The following KRT6B variants were observed in gnomAD, a reference collection of about 807,000 sequenced individuals.
KRT6B encodes the protein keratin 6B.
A neutral mutation model predicts 44.7 loss-of-function variants in KRT6B; 29 were observed. That is an observed-to-expected ratio of 0.65 (90% CI 0.48 to 0.88). The LOEUF (loss-of-function observed/expected upper bound fraction) is 0.88, where lower values mean the gene tolerates loss of function less well. Ranked by LOEUF, KRT6B falls within the 40% of genes least tolerant of loss-of-function variation. The pLI is 0.00. For synonymous variants in KRT6B, 213 were observed against 296.0 expected, an observed-to-expected ratio of 0.72 and a Z score of 2.88; for missense variants, 600 against 724.0, an observed-to-expected ratio of 0.83 and a Z score of 1.97.
At chr12:52,447,659 T>C in intron 7 of KRT6B, 86 bp from the exon 8 acceptor site, 11 of 1,613,748 alleles carry the variant, frequency 6.8e-6, no homozygotes, top group Non-Finnish European at 9.3e-6. Context: ...TGGGAAAACT[T>C]TTAGTTTTCT....
At chr12:52,450,794 G>A (rs879420746) in intron 1 of KRT6B, among the ~76,000 whole-genome samples, 174 bp from the exon 2 acceptor site, 29 of 152,222 alleles carry the variant, frequency 1.9e-4, no homozygotes, top group Non-Finnish European at 3.7e-4. Context: ...CACCCCACCA[G>A]TCTCACTAGA....
chr12:52,447,224 G>A lies in KRT6B; in HGVS notation c.1661C>T (p.Thr554Ile). The A allele has an allele frequency of 1.9e-6, 3 of 1,614,064 alleles. No individual in the cohort carries two copies. The highest frequency in any genetic ancestry group is 2.5e-6 in the Non-Finnish European group (3 of 1,179,950). The change falls in exon 9 of 9, where the codon ACC becomes ATC. Residue 554 changes from threonine (T) to isoleucine (I), a missense_variant. Thr to Ile is a moderately conservative substitution (Grantham distance 89). Around this residue, in one of 4 missense-constraint regions of KRT6B, gnomAD observed 479 missense variants for 454.2 expected, o/e 1.05. Transcript: ENST00000252252. Reference sequence around the variant, plus strand: ...GTAGCTCTTCCTGCTGGAGGAGGAGGTGGTGGTGTACTTGATGGTGGAACT... The same window carrying A: ...GTAGCTCTTCCTGCTGGAGGAGGAGATGGTGGTGTACTTGATGGTGGAACT... The part of the protein sequence containing the change: ...GGSSTIKYTT[T>I]SSSSRKSYKH
rs404970 is a variant in KRT6B, at chr12:52,451,973, T to C, written c.106A>G (p.Ile36Val). 53 of 1,613,500 alleles carry C rather than the reference T, an allele frequency of 3.3e-5. No homozygotes were observed. The highest frequency in any genetic ancestry group is 4.5e-5 in the East Asian group (2 of 44,896). The change falls in exon 1 of 9, where the codon ATC becomes GTC. Residue 36 changes from isoleucine to valine, a missense_variant. Physicochemically the swap from Ile to Val is conservative, Grantham distance 29. Around this residue, in one of 4 missense-constraint regions of KRT6B, gnomAD observed 78 missense variants for 97.5 expected, o/e 0.80. Coordinates refer to ENST00000252252, the MANE Select transcript of KRT6B (RefSeq NM_005555.4). Reference sequence around the variant, plus strand: ...CTGCCCCTGGAGCGGGACACGGAGATGCTGCTGAAGCCAGAGCGGCTGACC... The same window carrying C: ...CTGCCCCTGGAGCGGGACACGGAGACGCTGCTGAAGCCAGAGCGGCTGACC... ...PGVSRSGFSS[I>V]SVSRSRGSGG...
intron 1 of KRT6B, 94 bp downstream of exon 1, chr12:52,451,445 C>T: frequency 1.9e-6 from 3 of 1,611,386 alleles, no homozygotes; most frequent in Admixed American, 1.7e-5. Flanking sequence ...GAGTCCCCTT[C>T]TCCCTCCCTC....
rs892725244 is a variant in KRT6B at position 52,446,852 on chromosome 12, A to G, written c.*338T>C. ...GGCAGGATGGTTAGCAATTAAAGAGAGGACTCCTCATCTGCAGCTGGACCT... is the reference window on the plus strand; with the variant it reads ...GGCAGGATGGTTAGCAATTAAAGAGGGGACTCCTCATCTGCAGCTGGACCT... On this transcript the variant is annotated 3_prime_UTR_variant, in exon 9 of 9. Transcript: ENST00000252252. The G allele has an allele frequency of 7.9e-6, 3 of 379,374 alleles. No individual in the cohort carries two copies. The highest frequency in any genetic ancestry group is 6.1e-5 in the African/African-American group (3 of 49,104). The allele number at this position is 379,374 out of a possible 1,614,324, so 23.5% of individuals were successfully genotyped here.
Position 52,451,960 on chromosome 12 carries a change from C to T in KRT6B, c.119G>A (p.Arg40His), listed in dbSNP as rs139304263. Reference protein sequence around the residue: ...RSGFSSISVSRSRGSGGLGGA... With the variant: ...RSGFSSISVSHSRGSGGLGGA... ...ACCCAGGCCACCACTGCCCCTGGAG[C>T]GGGACACGGAGATGCTGCTGAAGCC... is the stretch of plus-strand genomic sequence containing the variant. Residue 40 changes from arginine (R) to histidine (H), a missense_variant, in exon 1 of 9, where the codon CGC becomes CAC. Arg to His is a conservative substitution (Grantham distance 29). Around this residue, in one of 4 missense-constraint regions of KRT6B, gnomAD observed 78 missense variants for 97.5 expected, o/e 0.80. Coordinates refer to ENST00000252252, the MANE Select transcript of KRT6B (RefSeq NM_005555.4). 686 of 1,613,424 alleles carry T rather than the reference C, an allele frequency of 4.3e-4. No homozygotes were observed. The African/African-American group carries it at 7.4e-3, about 17-fold the overall frequency.
rs763339267 is a variant in KRT6B at position 52,447,810 on chromosome 12, G to A, written c.1392C>T (p.Thr464=). Residue 464 remains threonine, a synonymous_variant, in exon 7 of 9, where the codon ACC becomes ACT. Coordinates refer to ENST00000252252, the MANE Select transcript of KRT6B (RefSeq NM_005555.4). ...CCTCGCCCTCCAGCAGCTTGCGGTAGGTGGCGATCTCCACATCCAGGGCCA... is the reference window on the plus strand; with the variant it reads ...CCTCGCCCTCCAGCAGCTTGCGGTAAGTGGCGATCTCCACATCCAGGGCCA... The part of the protein sequence containing the change: ...VKLALDVEIA[T]YRKLLEGEEC... 1.9e-6 allele frequency: 3 copies of A among 1,614,054 alleles called. No homozygotes were observed. Among genetic ancestry groups the A allele is most frequent in the African/African-American group, 1.3e-5 (1 of 74,930 alleles).
At chr12:52,449,086 T>C (rs1032110059) in intron 5 of KRT6B, 119 bp from the exon 6 acceptor site, 23 of 1,523,664 alleles carry the variant, frequency 1.5e-5, no homozygotes, top group East Asian at 2.3e-5. Flanking sequence ...CCCAAGAAAC[T>C]TGAGGAAAAG....
chr12:52,449,439 T>C (rs1299201102), intron 5 of KRT6B, 30 bp downstream of exon 5: 1 of 1,614,006 alleles, frequency 6.2e-7, no homozygotes, highest in African/African-American at 1.3e-5. Flanking sequence ...GACACAAGGA[T>C]TCCTCAGCGG....
Position 52,447,000 on chromosome 12 carries a change from G to C in KRT6B, c.*190C>G, listed in dbSNP as rs1940320512. ...TTCGCATGTCTGAGTGCTGATAACT[G>C]TTGACTTGATGGTAAGCAACAGGAG... On this transcript the variant is annotated 3_prime_UTR_variant, in exon 9 of 9. Coordinates refer to ENST00000252252, the MANE Select transcript of KRT6B (RefSeq NM_005555.4). 1.5e-6 allele frequency: 1 copy of C among 667,150 alleles called. No individual in the cohort carries two copies. 41.3% of individuals were successfully genotyped at this position (667,150 alleles called of 1,614,324 possible).
rs373670186 is a variant in KRT6B at position 52,447,439 on chromosome 12, G to C, written c.1460-14C>G. The C allele has an allele frequency of 1.1e-5, 17 of 1,613,920 alleles. No homozygotes were observed. In the African/African-American group the frequency reaches 2.1e-4, roughly 20 times the overall value. ...ACTGCACTACAGCTGTGGTGGGGAG[G>C]GGACAAGGACACAAGAAGCCACAAT... is the stretch of plus-strand genomic sequence containing the variant. On this transcript the variant is annotated splice_polypyrimidine_tract_variant and intron_variant, in intron 8 of 8. Coordinates refer to ENST00000252252, the MANE Select transcript of KRT6B (RefSeq NM_005555.4).
Position 52,447,932 on chromosome 12 carries a change from T to C in KRT6B, c.1270A>G (p.Lys424Glu). Residue 424 changes from lysine to glutamate, a missense_variant, in exon 7 of 9, where the codon AAG (lysine) becomes GAG (glutamate). Physicochemically the swap from Lys to Glu is moderately conservative, Grantham distance 56. Around this residue, in one of 4 missense-constraint regions of KRT6B, gnomAD observed 479 missense variants for 454.2 expected, o/e 1.05. Coordinates refer to ENST00000252252, the MANE Select transcript of KRT6B (RefSeq NM_005555.4). ...QRGEMALKDA[K>E]NKLEGLEDAL... ...TCCTCCAGCCCTTCCAGCTTGTTCT[T>C]AGCATCCTTGAGGGCCATCTCCCCA... 1 of 1,614,160 alleles carries C rather than the reference T, an allele frequency of 6.2e-7. No homozygotes were observed. The highest frequency in any genetic ancestry group is 2.2e-5 in the East Asian group (1 of 44,866).
chr12:52,448,853 C>A lies in KRT6B; in HGVS notation c.1192G>T (p.Val398Phe). 2.5e-6 allele frequency: 4 copies of A among 1,614,094 alleles called. No individual in the cohort carries two copies. The highest frequency in any genetic ancestry group is 1.1e-5 in the South Asian group (1 of 91,066). Residue 398 changes from valine to phenylalanine, a missense_variant, in exon 6 of 9, where the codon GTC becomes TTC. Around this residue, in one of 4 missense-constraint regions of KRT6B, gnomAD observed 479 missense variants for 454.2 expected, o/e 1.05. Transcript: ENST00000252252. Reference sequence around the variant, plus strand: ...GCCCCTCACCATACCTGCTTCTTGACGTGGTCGATCTCAGATCTCAGCCTC... The same window carrying A: ...GCCCCTCACCATACCTGCTTCTTGAAGTGGTCGATCTCAGATCTCAGCCTC... Reference protein sequence around the residue: ...IQRLRSEIDHVKKQCANLQAA... With the variant: ...IQRLRSEIDHFKKQCANLQAA...
intron 5 of KRT6B, 66 bp from the exon 6 acceptor site, chr12:52,449,033 C>G: frequency 6.4e-7 from 1 of 1,566,360 alleles, no homozygotes. Flanking sequence ...ATGACTTTCA[C>G]TTGTGTATCA....
chr12:52,449,442 C>T (rs148967594), intron 5 of KRT6B, 27 bp downstream of exon 5: 1 of 1,614,160 alleles, frequency 6.2e-7, no homozygotes, highest in Non-Finnish European at 8.5e-7. Flanking sequence ...ACAAGGATTC[C>T]TCAGCGGCTG....
intron 5 of KRT6B, 150 bp from the exon 6 acceptor site, chr12:52,449,117 G>A: frequency 2.1e-6 from 3 of 1,426,412 alleles, no homozygotes; most frequent in Non-Finnish European, 2.9e-6. Flanking sequence ...GTGGTGGGTG[G>A]ATACTAAACA....
Position 52,447,829 on chromosome 12 carries a change from A to G in KRT6B, c.1373T>C (p.Leu458Pro). ...YQELMNVKLALDVEIATYRKL... is the reference protein window; with the variant it reads ...YQELMNVKLAPDVEIATYRKL... ...GCGGTAGGTGGCGATCTCCACATCCAGGGCCAGCTTGACGTTCATCAGCTC... is the reference window on the plus strand; with the variant it reads ...GCGGTAGGTGGCGATCTCCACATCCGGGGCCAGCTTGACGTTCATCAGCTC... The change falls in exon 7 of 9, where the codon CTG becomes CCG. Residue 458 changes from leucine (L) to proline (P), a missense_variant. Around this residue, in one of 4 missense-constraint regions of KRT6B, gnomAD observed 479 missense variants for 454.2 expected, o/e 1.05. Transcript: ENST00000252252. 1 of 1,614,132 alleles carries G rather than the reference A, an allele frequency of 6.2e-7. No individual in the cohort carries two copies. The highest frequency in any genetic ancestry group is 8.5e-7 in the Non-Finnish European group (1 of 1,180,024).
Position 52,447,025 on chromosome 12 carries a change from G to A in KRT6B, c.*165C>T. ...GTTGACTTGATGGTAAGCAACAGGA[G>A]CTCAGTGGAACAGGTATTGATGAGA... is the stretch of plus-strand genomic sequence containing the variant. On this transcript the variant is annotated 3_prime_UTR_variant, in exon 9 of 9. Coordinates refer to ENST00000252252, the MANE Select transcript of KRT6B (RefSeq NM_005555.4). The A allele has an allele frequency of 1.3e-6, 1 of 780,250 alleles. No homozygotes were observed. Among genetic ancestry groups the A allele is most frequent in the Admixed American group, 2.9e-5 (1 of 34,750 alleles). 48.3% of individuals were successfully genotyped at this position (780,250 alleles called of 1,614,324 possible).
Position 52,447,064 on chromosome 12 carries a change from C to T in KRT6B, c.*126G>A. The T allele has an allele frequency of 8.3e-7, 1 of 1,200,792 alleles. No individual in the cohort carries two copies. 74.4% of individuals were successfully genotyped at this position (1,200,792 alleles called of 1,614,324 possible). A position where few individuals can be genotyped will look rare whatever the true frequency, so the allele number is the denominator to read the frequency against. On this transcript the variant is annotated 3_prime_UTR_variant, in exon 9 of 9. Transcript: ENST00000252252. ...GTATTGATGAGAAGAAAAGTGAGGG[C>T]ATCCCAGCTCTACCCGGGAGGGCAG...
Sources: gnomAD v4.1 joint callset for allele counts (sites outside exome capture counted in the v4.1 genomes callset) on GRCh38, gnomAD v4.1.1 for gene constraint, gnomAD v4.1.1 regional missense constraint, MANE v1.5 for transcripts, NCBI Gene and HGNC (gene_info 2026-07-23, HGNC 2026-07-21) for gene names.